Variants in IL1RAPL2 observed in about 807,000 individuals in gnomAD.
The protein encoded by IL1RAPL2 is X-linked interleukin-1 receptor accessory protein-like 2.
In IL1RAPL2, 3 loss-of-function variants were observed where a neutral mutation model predicts 44.1. The observed-to-expected ratio is 0.07, with a 90% confidence interval of 0.03 to 0.18. The LOEUF is 0.18. Ranked by LOEUF, IL1RAPL2 falls within the 10% of genes least tolerant of loss-of-function variation. IL1RAPL2 has a pLI of 1.00. For synonymous variants in IL1RAPL2, 181 were observed against 178.8 expected (o/e 1.01, Z -0.10); for missense variants, 391 against 496.4 (o/e 0.79, Z 2.02).
intron 1 of IL1RAPL2, among the ~76,000 whole-genome samples, chrX:104,642,813 A>C (rs1929959657): frequency 8.9e-6 from 1 of 111,776 alleles, no homozygotes; most frequent in South Asian, 3.8e-4. Flanking sequence ...ATACTGGGTA[A>C]AAAGGTTTGA....
chrX:105,327,468 C>G (rs2034948847), intron 5 of IL1RAPL2, among the ~76,000 whole-genome samples: 1 of 112,086 alleles, frequency 8.9e-6, no homozygotes, highest in Non-Finnish European at 1.9e-5. Flanking sequence ...CAGACTGTCA[C>G]TGTGTTCATG....
intron 1 of IL1RAPL2, among the ~76,000 whole-genome samples, chrX:104,586,324 T>C (rs981408250): frequency 1.8e-5 from 2 of 112,038 alleles, no homozygotes; most frequent in Admixed American, 9.5e-5. Flanking sequence ...GTTTAATCCT[T>C]ATAGATTCTG....
At chrX:105,546,248 A>T (rs1382339044) in intron 6 of IL1RAPL2, among the ~76,000 whole-genome samples, 1 of 111,973 alleles carries the variant, frequency 8.9e-6, no homozygotes, top group Non-Finnish European at 1.9e-5. Context: ...ATGTAAAGAT[A>T]ATGATCTAAT....
chrX:104,790,968 T>C (rs1054730645), intron 2 of IL1RAPL2, among the ~76,000 whole-genome samples: 1 of 111,799 alleles, frequency 8.9e-6, no homozygotes, highest in African/African-American at 3.3e-5. Context: ...GTCACTGCTC[T>C]AAGTACTTTG....
intron 2 of IL1RAPL2, among the ~76,000 whole-genome samples, chrX:104,886,746 G>T (rs1423696262): frequency 8.9e-6 from 1 of 112,061 alleles, no homozygotes; most frequent in Admixed American, 9.5e-5. Flanking sequence ...TGCCTTTGAG[G>T]ATCCCACAGA....
At chrX:105,227,332 A>G (rs923426453) in intron 3 of IL1RAPL2, among the ~76,000 whole-genome samples, 8 of 112,193 alleles carry the variant, frequency 7.1e-5, no homozygotes, top group African/African-American at 2.6e-4. Flanking sequence ...AAAACCTATT[A>G]TATTGACATA....
At chrX:104,680,250 C>G (rs1930866856) in intron 2 of IL1RAPL2, among the ~76,000 whole-genome samples, 1 of 111,808 alleles carries the variant, frequency 8.9e-6, no homozygotes, top group Non-Finnish European at 1.9e-5. Flanking sequence ...TGGGTCTTAG[C>G]TCTGCCTCCT....
intron 5 of IL1RAPL2, among the ~76,000 whole-genome samples, chrX:105,395,563 A>G (rs1206146753): frequency 9.0e-6 from 1 of 110,915 alleles, no homozygotes; most frequent in African/African-American, 3.3e-5. Flanking sequence ...AGTGTTGTAT[A>G]AATAGTACAA....
chrX:105,468,564 G>A (rs1290202406), intron 5 of IL1RAPL2, among the ~76,000 whole-genome samples: 1 of 111,435 alleles, frequency 9.0e-6, no homozygotes, highest in African/African-American at 3.3e-5. Context: ...TTGAACAAGG[G>A]GCCATGTTTT....
At chrX:105,565,531 C>T (rs1257185225) in intron 6 of IL1RAPL2, among the ~76,000 whole-genome samples, 1 of 111,896 alleles carries the variant, frequency 8.9e-6, no homozygotes, top group East Asian at 2.8e-4. Context: ...AACAATAAGC[C>T]TTCAGAGCCA....
intron 9 of IL1RAPL2, among the ~76,000 whole-genome samples, chrX:105,754,232 T>A (rs182175194): frequency 0.015 from 1,708 of 112,180 alleles, 35 homozygotes; most frequent in African/African-American, 0.052. Context: ...CTTAAAAAAA[T>A]TTTTTTTAAT....
chrX:105,166,465 G>A (rs1447717495), intron 2 of IL1RAPL2, among the ~76,000 whole-genome samples: 1 of 112,092 alleles, frequency 8.9e-6, no homozygotes, highest in Non-Finnish European at 1.9e-5. Context: ...GACTTTAGCT[G>A]GTCCTTATTT....
chrX:105,194,017 A>C (rs1556138947), intron 2 of IL1RAPL2, among the ~76,000 whole-genome samples: 1 of 111,413 alleles, frequency 9.0e-6, no homozygotes, highest in Non-Finnish European at 1.9e-5. Context: ...AAACCCTTTG[A>C]AAATCTGAAA....
intron 2 of IL1RAPL2, among the ~76,000 whole-genome samples, chrX:105,020,125 C>T (rs1225150658): frequency 9.1e-6 from 1 of 110,253 alleles, no homozygotes; most frequent in Admixed American, 9.7e-5. Context: ...AGGTGTGTGC[C>T]ACTACAGCCA....
At chrX:104,588,174 C>A (rs1928599521) in intron 1 of IL1RAPL2, among the ~76,000 whole-genome samples, 1 of 110,933 alleles carries the variant, frequency 9.0e-6, no homozygotes, top group South Asian at 3.8e-4. Flanking sequence ...TTTTGAAAAC[C>A]CACTAACCAC....
At chrX:104,931,170 C>CT (rs910488333) in intron 2 of IL1RAPL2, among the ~76,000 whole-genome samples, 1 of 110,592 alleles carries the variant, frequency 9.0e-6, no homozygotes, top group African/African-American at 3.3e-5. Context: ...GGAAGCAATA[C>CT]TTTTTTTCAA....
At chrX:105,346,665 A>G in intron 5 of IL1RAPL2, among the ~76,000 whole-genome samples, 1 of 111,827 alleles carries the variant, frequency 8.9e-6, no homozygotes, top group Admixed American at 9.5e-5. Context: ...GACTAACATC[A>G]GTAGACAAGC....
At chrX:104,870,055 T>C (rs747089791) in intron 2 of IL1RAPL2, among the ~76,000 whole-genome samples, 8 of 112,376 alleles carry the variant, frequency 7.1e-5, no homozygotes, top group African/African-American at 1.3e-4. Flanking sequence ...GTTTTTCCAC[T>C]ATCACTACAA....
rs994444797 is a variant in IL1RAPL2, at chrX:104,697,682, T to G, written c.82+38687T>G. Among the ~76,000 whole-genome samples the G allele has an allele frequency of 2.7e-5, 3 of 111,429 alleles. No individual in the cohort carries two copies. The Admixed American group carries it at 2.9e-4, about 11-fold the overall frequency. ...TAGTCTAGGGTGAGATGCAGCCAGG[T>G]TAACCAGGCAGTTTCCAGTAGAGTG... On this transcript the variant is annotated intron_variant, in intron 2 of 10. Coordinates refer to ENST00000372582, the MANE Select transcript of IL1RAPL2 (RefSeq NM_017416.2).
Sources: allele counts gnomAD v4.1 joint callset (sites outside exome capture counted in the v4.1 genomes callset), GRCh38; gene constraint gnomAD v4.1.1; transcripts MANE v1.5; gene names NCBI Gene and HGNC (gene_info 2026-07-23, HGNC 2026-07-21).